PKD1: variants seen among roughly 807,000 people sequenced by gnomAD.
The protein encoded by PKD1 is polycystin 1, transient receptor potential channel interacting, also known as polycystin-1.
In PKD1, 81 loss-of-function variants were observed where a neutral mutation model predicts 361.7. That is an observed-to-expected ratio of 0.22 (90% CI 0.19 to 0.27). The LOEUF is 0.27. Ranked by LOEUF, PKD1 falls within the 10% of genes least tolerant of loss-of-function variation. PKD1 has a pLI of 1.00. For synonymous variants in PKD1, 3,615 were observed against 2,818.3 expected, an observed-to-expected ratio of 1.28 and a Z score of -8.95; for missense variants, 6,399 against 6,118.3, an observed-to-expected ratio of 1.05 and a Z score of -1.53.
chr16:2,111,431 C>T lies in PKD1; in HGVS notation c.3736G>A (p.Asp1246Asn), dbSNP rs553360241. The T allele has an allele frequency of 3.3e-5, 53 of 1,611,910 alleles. No individual in the cohort carries two copies. The highest frequency in any genetic ancestry group is 8.9e-5 in the East Asian group (4 of 44,864). ...QTGDNITWTF[D>N]MGDGTVLSGP... ...GACAGCACGGTGCCGTCCCCCATGT[C>T]GAAGGTCCACGTGATGTTGTCGCCC... The change falls in exon 15 of 46, where the codon GAC becomes AAC. Residue 1246 changes from aspartate to asparagine, a missense_variant. Transcript: ENST00000262304.
chr16:2,117,047 T>C lies in PKD1; in HGVS notation c.1392A>G (p.Leu464=). The C allele has an allele frequency of 6.3e-7, 1 of 1,576,514 alleles. No individual in the cohort carries two copies. The highest frequency in any genetic ancestry group is 1.1e-5 in the South Asian group (1 of 90,092). ...RFLVSRVTRS[L]DVWIGFSTVQ... ...CAGTCGAGAAGCCGATCCACACGTC[T>C]AGGCTCCTGGGGGCGGGTGTGGGAT... The change falls in exon 7 of 46, where the codon CTA becomes CTG. Residue 464 remains leucine, a synonymous_variant. Coordinates refer to ENST00000262304, the MANE Select transcript of PKD1 (RefSeq NM_001009944.3).
In PKD1 at chr16:2,113,991, C is replaced by G. The variant is rs1596573797; in HGVS notation, c.2853+179G>C. 4.9e-6 allele frequency: 3 copies of G among 613,554 alleles called. No individual in the cohort carries two copies. The African/African-American group carries it at 5.5e-5, about 11-fold the overall frequency. The allele number at this position is 613,554 out of a possible 1,614,324, so 38.0% of individuals were successfully genotyped here. A position where few individuals can be genotyped will look rare whatever the true frequency, so the allele number is the denominator to read the frequency against. ...AGCCACTGTCAGAGCCGTGACTTTC[C>G]AGGAATTTAAAGCCCACCAGGTAGC... On this transcript the variant is annotated intron_variant, in intron 11 of 45. Coordinates refer to ENST00000262304, the MANE Select transcript of PKD1 (RefSeq NM_001009944.3).
rs769265762 is a variant in PKD1, at chr16:2,090,438, G to A, written c.12291C>T (p.Gly4097=). 6.8e-6 allele frequency: 11 copies of A among 1,612,480 alleles called. No homozygotes were observed. Among genetic ancestry groups the A allele is most frequent in the East Asian group, 2.2e-5 (1 of 44,872 alleles). ...GAATAACAGCCCCCAGCCGTAGGGCGCCCCACAGCCGCAGTGCCCAGAGCC... is the reference window on the plus strand; with the variant it reads ...GAATAACAGCCCCCAGCCGTAGGGCACCCCACAGCCGCAGTGCCCAGAGCC... ...CVGLWALRLW[G]ALRLGAVILR... The change falls in exon 45 of 46, where the codon GGC becomes GGT. Residue 4097 remains glycine (G), a synonymous_variant. Coordinates refer to ENST00000262304, the MANE Select transcript of PKD1 (RefSeq NM_001009944.3).
chr16:2,120,726 G>A (rs1030068872), intron 1 of PKD1, among the ~76,000 whole-genome samples: 1 of 152,128 alleles, frequency 6.6e-6, no homozygotes, highest in African/African-American at 2.4e-5. Flanking sequence ...AGAAAGCAAG[G>A]AAAGAAAGAT....
chr16:2,126,593 G>A (rs2092802989), intron 1 of PKD1, among the ~76,000 whole-genome samples: 1 of 152,292 alleles, frequency 6.6e-6, no homozygotes, highest in African/African-American at 2.4e-5. Context: ...GGAGACTGTG[G>A]CGCCCCCGCT....
chr16:2,107,481 A>G, intron 16 of PKD1: 2 of 372,358 alleles, frequency 5.4e-6, no homozygotes, highest in Non-Finnish European at 1.0e-5. Context: ...TGACAGCAGC[A>G]GGAGCAGCCA....
rs1022861481 is a variant in PKD1, at chr16:2,088,860, C to T, written c.*867G>A. The T allele has an allele frequency of 3.6e-6, 2 of 555,230 alleles. No individual in the cohort carries two copies. Among genetic ancestry groups the T allele is most frequent in the African/African-American group, 2.1e-5 (1 of 47,600 alleles). The allele number at this position is 555,230 out of a possible 1,614,324, so 34.4% of individuals were successfully genotyped here. ...CCTTGAGGCTGCCTGGGCCATACAGCACACTCGCGCGTGCGCGCGCGCACA... is the reference window on the plus strand; with the variant it reads ...CCTTGAGGCTGCCTGGGCCATACAGTACACTCGCGCGTGCGCGCGCGCACA... On this transcript the variant is annotated 3_prime_UTR_variant, in exon 46 of 46. Coordinates refer to ENST00000262304, the MANE Select transcript of PKD1 (RefSeq NM_001009944.3).
intron 1 of PKD1, among the ~76,000 whole-genome samples, chr16:2,122,794 T>C (rs1361299993): frequency 6.6e-6 from 1 of 151,810 alleles, no homozygotes; most frequent in Non-Finnish European, 1.5e-5. Flanking sequence ...GGGCGAGAGG[T>C]GCTGCAGAGG....
chr16:2,115,797 C>A (rs1472742493), intron 9 of PKD1, among the ~76,000 whole-genome samples, 172 bp from the exon 10 acceptor site: 4 of 152,186 alleles, frequency 2.6e-5, no homozygotes, highest in Admixed American at 2.6e-4. Context: ...TGACCCAGGC[C>A]GGCCCCCAGG....
chr16:2,128,869 ATTTT>A (rs58863130), intron 1 of PKD1, among the ~76,000 whole-genome samples: 1 of 144,846 alleles, frequency 6.9e-6, no homozygotes, highest in South Asian at 2.2e-4. Context: ...CACGCTCAGC[ATTTT>A]TTTTTTTTGA....
At chr16:2,113,009 TG>T (rs2092558977) in intron 12 of PKD1, 46 bp from the exon 13 acceptor site, 1 of 1,541,894 alleles carries the variant, frequency 6.5e-7, no homozygotes, top group African/African-American at 1.4e-5. Flanking sequence ...GTGAGAGGCC[TG>T]GCCCTGATTG....
At chr16:2,120,032 T>C in intron 1 of PKD1, 1 of 590,772 alleles carries the variant, frequency 1.7e-6, no homozygotes. Context: ...GGCAACACAG[T>C]GAGACCCCGT....
At position 2,106,740 on chromosome 16, in the gene PKD1, G is replaced by A. The variant is rs966965470; in HGVS notation, c.7210-63C>T. ...TGCCCTGTCAGCCCCACTTCTGCCT[G>A]CAGGCCCCGTCCCCTCGGCCATGGG... is the stretch of plus-strand genomic sequence containing the variant. On this transcript the variant is annotated intron_variant, in intron 17 of 45. Transcript: ENST00000262304. The surrounding 1 kb of genome is among the most constrained non-coding windows in gnomAD (Gnocchi z 6.5). 2.7e-5 allele frequency: 41 copies of A among 1,504,068 alleles called. No homozygotes were observed. The highest frequency in any genetic ancestry group is 8.4e-5 in the African/African-American group (6 of 71,672). The allele number at this position is 1,504,068 out of a possible 1,614,324, so 93.2% of individuals were successfully genotyped here. A position where few individuals can be genotyped will look rare whatever the true frequency, so the allele number is the denominator to read the frequency against.
intron 16 of PKD1, chr16:2,107,629 T>C: frequency 1.7e-6 from 1 of 577,898 alleles, no homozygotes; most frequent in East Asian, 3.0e-5. Context: ...GGGCTCTTCC[T>C]CACTGTTGGT....
intron 1 of PKD1, among the ~76,000 whole-genome samples, chr16:2,126,799 G>C (rs1179935319): frequency 6.6e-6 from 1 of 152,252 alleles, no homozygotes; most frequent in Non-Finnish European, 1.5e-5. Context: ...GCAGATCCCA[G>C]GCAGGGTCTC....
chr16:2,102,585 G>T lies in PKD1; in HGVS notation c.8997C>A (p.Phe2999Leu). 1 of 1,611,168 alleles carries T rather than the reference G, an allele frequency of 6.2e-7. No homozygotes were observed. The highest frequency in any genetic ancestry group is 1.1e-5 in the South Asian group (1 of 91,012). ...CGGACACCTGCAGCGCCGACCAGCG[G>T]AAGTGGCTGGAGAGGTTCAGATGGT... ...GSYHLNLSSH[F>L]RWSALQVSVG... is the part of the protein sequence containing the mutation. The change falls in exon 25 of 46, where the codon TTC becomes TTA. Residue 2999 changes from phenylalanine (F) to leucine (L), a missense_variant. Transcript: ENST00000262304.
rs747424552 is a variant in PKD1, at chr16:2,116,575, G to A, written c.1676C>T (p.Pro559Leu). The A allele has an allele frequency of 3.2e-6, 5 of 1,570,876 alleles. No individual in the cohort carries two copies. The highest frequency in any genetic ancestry group is 1.8e-5 in the Admixed American group (1 of 55,868). The change falls in exon 8 of 46, where the codon CCT becomes CTT. Residue 559 changes from proline (P) to leucine (L), a missense_variant. By Grantham distance (98) the Pro-to-Leu change is moderately conservative. Transcript: ENST00000262304. ...PSGDLQGPLTPLAQQDGLSAP... is the reference protein window; with the variant it reads ...PSGDLQGPLTLLAQQDGLSAP... ...TGAGAGGCCGTCCTGCTGTGCCAGA[G>A]GCGTCAGGGGTCCCTGCAGGTCCCC...
chr16:2,110,916 G>A lies in PKD1; in HGVS notation c.4251C>T (p.Gly1417=), dbSNP rs754274427. 4 of 1,611,316 alleles carry A rather than the reference G, an allele frequency of 2.5e-6. No individual in the cohort carries two copies. Among genetic ancestry groups the A allele is most frequent in the African/African-American group, 1.3e-5 (1 of 75,020 alleles). The change falls in exon 15 of 46, where the codon GGC becomes GGT. Residue 1417 remains glycine, a synonymous_variant. Transcript: ENST00000262304. ...CACGGGTGGGGGCGGCTTCCTCGGT[G>A]CCAAAGTCCCAGGTGTAGCGGTAGG... ...PFPYRYTWDF[G]TEEAAPTRAR...
rs1488559027 is a variant in PKD1 at position 2,111,608 on chromosome 16, A to G, written c.3559T>C (p.Tyr1187His). The G allele has an allele frequency of 1.3e-6, 2 of 1,574,788 alleles. No homozygotes were observed. The highest frequency in any genetic ancestry group is 1.2e-5 in the South Asian group (1 of 86,900). Residue 1187 changes from tyrosine (Y) to histidine (H), a missense_variant, in exon 15 of 46, where the codon TAC (tyrosine) becomes CAC (histidine). Transcript: ENST00000262304. ...TTGTTGACCTCCAGGCGCACGTGGT[A>G]GGTGCCCCTCGAGGCATAGGTGTGG... is the stretch of plus-strand genomic sequence containing the variant. ...ANHTYASRGT[Y>H]HVRLEVNNTV...
Sources: gnomAD v4.1 joint callset for allele counts (sites outside exome capture counted in the v4.1 genomes callset) on GRCh38, gnomAD v4.1.1 for gene constraint, Gnocchi (gnomAD v3.1) non-coding constraint, MANE v1.5 for transcripts, NCBI Gene and HGNC (gene_info 2026-07-23, HGNC 2026-07-21) for gene names.